The following ELFN1 variants were observed in gnomAD, a reference collection of about 807,000 sequenced individuals.
ELFN1 encodes the protein extracellular leucine rich repeat and fibronectin type III domain containing 1.
ELFN1 carries 6 observed loss-of-function variants against 7.6 expected under a neutral mutation model. The observed-to-expected ratio is 0.79, with a 90% CI of 0.43 to 1.56. The LOEUF (loss-of-function observed/expected upper bound fraction) is 1.56. Among genes scored for constraint, ELFN1 ranks in the 40% most tolerant of loss-of-function variants. The pLI is 0.01. For missense variants in ELFN1, 1,169 were observed against 1,232.2 expected, an observed-to-expected ratio of 0.95 and a Z score of 0.77; for synonymous variants, 657 against 588.1, an observed-to-expected ratio of 1.12 and a Z score of -1.70.
chr7:1,684,511 C>T (rs953673812), intron 1 of ELFN1, among the ~76,000 whole-genome samples: 5 of 152,020 alleles, frequency 3.3e-5, no homozygotes, highest in Non-Finnish European at 7.4e-5. Flanking sequence ...TCATTGTTTT[C>T]CATGTCTCAT....
intron 3 of ELFN1, among the ~76,000 whole-genome samples, chr7:1,730,774 C>A (rs1056439716): frequency 3.9e-5 from 6 of 152,088 alleles, no homozygotes; most frequent in African/African-American, 1.4e-4. Context: ...TATTAAAAAA[C>A]AGCAATGCTT....
rs1227873442 is a variant in ELFN1, at chr7:1,746,496, G to A, written c.1900G>A (p.Gly634Arg). ...GCGGCACCACAGCGTGGAGGCCGCC[G>A]GGCCCCCTCGTGCCAGCACCTCGTC... ...LQRHHSVEAA[G>R]PPRASTSSSG... Residue 634 changes from glycine (G) to arginine (R), a missense_variant, in exon 4 of 4, where the codon GGG becomes AGG. Transcript: ENST00000424383. The A allele has an allele frequency of 1.9e-5, 28 of 1,494,328 alleles. No homozygotes were observed. Among genetic ancestry groups the A allele is most frequent in the South Asian group, 2.6e-5 (2 of 78,292 alleles). 92.6% of individuals were successfully genotyped at this position (1,494,328 alleles called of 1,614,324 possible). A position where few individuals can be genotyped will look rare whatever the true frequency, so the allele number is the denominator to read the frequency against.
At chr7:1,678,630 C>T (rs1472728837) in intron 1 of ELFN1, among the ~76,000 whole-genome samples, 3 of 152,182 alleles carry the variant, frequency 2.0e-5, no homozygotes, top group Non-Finnish European at 4.4e-5. Flanking sequence ...CCCAGACTTC[C>T]CCCAAGCCTC....
intron 2 of ELFN1, among the ~76,000 whole-genome samples, chr7:1,708,253 G>A (rs1201072057): frequency 6.6e-6 from 1 of 152,244 alleles, no homozygotes; most frequent in African/African-American, 2.4e-5. Flanking sequence ...TGGGGATCAG[G>A]TGCCACCTCG....
intron 3 of ELFN1, among the ~76,000 whole-genome samples, chr7:1,731,569 A>G (rs895719437): frequency 3.3e-5 from 5 of 152,242 alleles, no homozygotes; most frequent in South Asian, 2.1e-4. Context: ...GGATGTATTC[A>G]CCATTATACG....
intron 3 of ELFN1, among the ~76,000 whole-genome samples, chr7:1,710,205 T>C (rs924750047): frequency 3.3e-5 from 5 of 152,248 alleles, no homozygotes; most frequent in African/African-American, 4.8e-5. Flanking sequence ...CCTTATGTTC[T>C]GCCAATTCCA....
rs531214267 is a variant in ELFN1, at chr7:1,738,230, G to C, written c.-293-6074G>C. Among the ~76,000 whole-genome samples the C allele has an allele frequency of 3.3e-5, 5 of 152,288 alleles. No homozygotes were observed. In the East Asian group the frequency reaches 7.7e-4, roughly 24 times the overall value. The stretch of plus-strand genomic sequence containing the variant: ...CTGTGGTGCTCTTGTGGCTGCCCAG[G>C]GCCGGGCACGTGGAGGCCTCTCTCC... On this transcript the variant is annotated intron_variant, in intron 3 of 3. Coordinates refer to ENST00000424383, the MANE Select transcript of ELFN1 (RefSeq NM_001128636.4).
At chr7:1,726,757 C>G (rs1326185758) in intron 3 of ELFN1, among the ~76,000 whole-genome samples, 1 of 152,194 alleles carries the variant, frequency 6.6e-6, no homozygotes, top group Admixed American at 6.5e-5. Flanking sequence ...TCGTCCCAGC[C>G]TCAGGTGGGA....
intron 3 of ELFN1, among the ~76,000 whole-genome samples, chr7:1,719,302 C>T (rs1346750999): frequency 4.9e-5 from 7 of 141,850 alleles, no homozygotes; most frequent in African/African-American, 1.7e-4. Context: ...AACAGGGCCC[C>T]GCCCACCAAC....
At chr7:1,743,748 C>T (rs1042117064) in intron 3 of ELFN1, among the ~76,000 whole-genome samples, 2 of 152,196 alleles carry the variant, frequency 1.3e-5, no homozygotes, top group African/African-American at 2.4e-5. Flanking sequence ...CAGGGTAGCT[C>T]CTACAGGCGG....
chr7:1,674,138 C>G (rs1050557915), intron 1 of ELFN1, among the ~76,000 whole-genome samples: 1 of 151,678 alleles, frequency 6.6e-6, no homozygotes, highest in Non-Finnish European at 1.5e-5. Flanking sequence ...CAGAGAGGAC[C>G]ACTCCTCTGC....
chr7:1,701,396 C>T (rs1342042921), intron 2 of ELFN1, among the ~76,000 whole-genome samples: 2 of 152,070 alleles, frequency 1.3e-5, no homozygotes, highest in Non-Finnish European at 2.9e-5. Context: ...CTTTTGTTGC[C>T]CAGGCTAGCT....
At chr7:1,704,456 C>G (rs1427521384) in intron 2 of ELFN1, among the ~76,000 whole-genome samples, 1 of 152,176 alleles carries the variant, frequency 6.6e-6, no homozygotes, top group Non-Finnish European at 1.5e-5. Context: ...TGCACACACA[C>G]TCATGCATGT....
chr7:1,667,650 C>T (rs562802291), upstream of ELFN1, among the ~76,000 whole-genome samples: 1 of 152,314 alleles, frequency 6.6e-6, no homozygotes, highest in South Asian at 2.1e-4. The surrounding 1 kb of genome is among the most constrained non-coding windows in gnomAD (Gnocchi z 8.2). Context: ...GAGCCCAGCC[C>T]TCAGGCAGCG....
At chr7:1,677,592 A>T (rs1323975829) in intron 1 of ELFN1, among the ~76,000 whole-genome samples, 9 of 152,054 alleles carry the variant, frequency 5.9e-5, no homozygotes, top group African/African-American at 1.9e-4. Context: ...GCATGAACTC[A>T]CGTGTGTGTA....
chr7:1,729,892 T>TC (rs778782449), intron 3 of ELFN1, among the ~76,000 whole-genome samples: 2 of 152,248 alleles, frequency 1.3e-5, no homozygotes, highest in Non-Finnish European at 2.9e-5. Context: ...TACTGGGATG[T>TC]CCATCTGTCA....
At chr7:1,708,642 C>T (rs1373294812) in intron 2 of ELFN1, among the ~76,000 whole-genome samples, 1 of 152,184 alleles carries the variant, frequency 6.6e-6, no homozygotes, top group Non-Finnish European at 1.5e-5. Context: ...CATCTTCCTT[C>T]ACCTCCTGGA....
Position 1,705,548 on chromosome 7 carries a change from A to C in ELFN1, c.-455-3543A>C, listed in dbSNP as rs1323686125. Among the ~76,000 whole-genome samples the C allele has an allele frequency of 6.6e-6, 1 of 152,206 alleles. No homozygotes were observed. Among genetic ancestry groups the C allele is most frequent in the Admixed American group, 6.5e-5 (1 of 15,286 alleles). ...CTGGGCCCCCCTTCCGACGGCACAC[A>C]GTGGGCACCTCAGATGGCAGGCCTC... On this transcript the variant is annotated intron_variant, in intron 2 of 3. Transcript: ENST00000424383. The surrounding 1 kb of genome is among the most constrained non-coding windows in gnomAD (Gnocchi z 4.3).
chr7:1,707,637 G>A (rs182397835), intron 2 of ELFN1, among the ~76,000 whole-genome samples: 19 of 152,298 alleles, frequency 1.2e-4, no homozygotes, highest in African/African-American at 4.3e-4. Flanking sequence ...TTTTATTTCA[G>A]TTACCTTTTC....
Sources: gnomAD v4.1 joint callset for allele counts (sites outside exome capture counted in the v4.1 genomes callset) on GRCh38, gnomAD v4.1.1 for gene constraint, Gnocchi (gnomAD v3.1) non-coding constraint, MANE v1.5 for transcripts, NCBI Gene and HGNC (gene_info 2026-07-23, HGNC 2026-07-21) for gene names.